Variants in CPQ observed in about 807,000 individuals in gnomAD.
The protein encoded by CPQ is carboxypeptidase Q, also known as Ser-Met dipeptidase.
Under a neutral mutation model 45.7 loss-of-function variants are expected in CPQ, and 37 were observed. That is an observed-to-expected ratio of 0.81 (90% confidence interval 0.62 to 1.07). The LOEUF (loss-of-function observed/expected upper bound fraction) is 1.07, where lower values mean the gene tolerates loss of function less well. Among genes scored for constraint, CPQ ranks in the 50% least tolerant of loss-of-function variants. The probability of loss-of-function intolerance (pLI) is 0.00; values close to 1 mark genes in which losing one functional copy is unlikely to be tolerated. For missense variants in CPQ, 537 were observed against 572.9 expected (o/e 0.94, Z 0.64); for synonymous variants, 186 against 205.8 (o/e 0.90, Z 0.82).
intron 1 of CPQ, among the ~76,000 whole-genome samples, chr8:96,737,230 TACACACACACAC>T (rs377227683): frequency 7.0e-6 from 1 of 142,160 alleles, no homozygotes; most frequent in Non-Finnish European, 1.5e-5. Context: ...ACTAATAAGA[TACACACACACAC>T]ACACACACAC....
intron 5 of CPQ, among the ~76,000 whole-genome samples, chr8:97,018,833 C>A (rs1326681033): frequency 6.6e-6 from 1 of 152,074 alleles, no homozygotes; most frequent in Non-Finnish European, 1.5e-5. Flanking sequence ...AGGAAAACTT[C>A]CCCAGCCTTG....
At chr8:96,858,333 G>T (rs1811878846) in intron 3 of CPQ, among the ~76,000 whole-genome samples, 1 of 152,120 alleles carries the variant, frequency 6.6e-6, no homozygotes, top group South Asian at 2.1e-4. Context: ...GCCTCATCAA[G>T]ACTGGTATGT....
intron 1 of CPQ, among the ~76,000 whole-genome samples, chr8:96,655,881 A>G (rs1040535271): frequency 6.6e-6 from 1 of 152,166 alleles, no homozygotes; most frequent in African/African-American, 2.4e-5. Context: ...GTGTCTGCAC[A>G]TTTGAAGAGA....
At position 96,785,269 on chromosome 8, in the gene CPQ, G is replaced by A; in HGVS notation, c.372G>A (p.Glu124=). ...ERGEESAVML[E]PRIHKIAILG... ...GAGAAGAATCAGCTGTGATGCTGGA[G>A]CCAAGAATTCATAAGATAGCCATCC... The change falls in exon 2 of 8, where the codon GAG becomes GAA. Residue 124 remains glutamate (E), a synonymous_variant. Coordinates refer to ENST00000220763, the MANE Select transcript of CPQ (RefSeq NM_016134.4). The A allele has an allele frequency of 6.2e-7, 1 of 1,613,396 alleles. No homozygotes were observed. Among genetic ancestry groups the A allele is most frequent in the Non-Finnish European group, 8.5e-7 (1 of 1,179,594 alleles).
Position 96,998,704 on chromosome 8 carries a change from C to T in CPQ, c.962-30699C>T, listed in dbSNP as rs1481338435. The stretch of plus-strand genomic sequence containing the variant: ...TTCTGAATGGGGAGATATGAAATAT[C>T]ATTGAAGCTTTCCTTGATTACTAGA... On this transcript the variant is annotated intron_variant, in intron 5 of 7. Coordinates refer to ENST00000220763, the MANE Select transcript of CPQ (RefSeq NM_016134.4). 2.0e-5 allele frequency among the ~76,000 whole-genome samples: 3 copies of T among 151,938 alleles called. No individual in the cohort carries two copies. The South Asian group carries it at 6.2e-4, about 31-fold the overall frequency.
At chr8:97,123,143 TA>T (rs1162143081) in intron 7 of CPQ, among the ~76,000 whole-genome samples, 1 of 41,960 alleles carries the variant, frequency 2.4e-5, no homozygotes, top group Non-Finnish European at 4.4e-5. Flanking sequence ...TAAAATAAAA[TA>T]AAATAAATAA....
At chr8:96,669,184 G>A (rs527380556) in intron 1 of CPQ, among the ~76,000 whole-genome samples, 2 of 152,196 alleles carry the variant, frequency 1.3e-5, no homozygotes, top group African/African-American at 2.4e-5. Context: ...TGTGATGTCA[G>A]CGGGGATCTT....
intron 6 of CPQ, among the ~76,000 whole-genome samples, chr8:97,040,765 C>G (rs922950983): frequency 1.3e-5 from 2 of 152,110 alleles, no homozygotes; most frequent in African/African-American, 4.8e-5. Flanking sequence ...GCTTGTTTTT[C>G]TCAGGTTTGT....
At chr8:96,816,041 A>T (rs1185097389) in intron 2 of CPQ, among the ~76,000 whole-genome samples, 1 of 152,092 alleles carries the variant, frequency 6.6e-6, no homozygotes, top group Non-Finnish European at 1.5e-5. Flanking sequence ...GCAATTTCTT[A>T]AAATAAGACA....
intron 1 of CPQ, among the ~76,000 whole-genome samples, chr8:96,705,520 T>A (rs1041151363): frequency 2.6e-5 from 4 of 152,250 alleles, no homozygotes; most frequent in African/African-American, 9.6e-5. Context: ...ATGGGAAACT[T>A]TTTGAGGGGT....
chr8:97,043,172 G>A (rs971198739), intron 6 of CPQ, among the ~76,000 whole-genome samples: 1 of 152,170 alleles, frequency 6.6e-6, no homozygotes, highest in Non-Finnish European at 1.5e-5. Flanking sequence ...GGGTGCTCCT[G>A]TATTGGGTGC....
At position 96,785,065 on chromosome 8, in the gene CPQ, T is replaced by C. The variant is rs746213268; in HGVS notation, c.168T>C (p.Tyr56=). The C allele has an allele frequency of 8.1e-6, 13 of 1,613,718 alleles. No homozygotes were observed. Among genetic ancestry groups the C allele is most frequent in the South Asian group, 7.7e-5 (7 of 91,086 alleles). The change falls in exon 2 of 8, where the codon TAT becomes TAC. Residue 56 remains tyrosine (Y), a synonymous_variant. Coordinates refer to ENST00000220763, the MANE Select transcript of CPQ (RefSeq NM_016134.4). ...VAKAIINLAV[Y]GKAQNRSYER... ...AAGCAATCATCAACCTAGCTGTTTA[T>C]GGTAAAGCCCAGAACAGATCCTATG...
intron 1 of CPQ, among the ~76,000 whole-genome samples, chr8:96,757,871 A>G (rs1263104482): frequency 1.3e-5 from 2 of 151,958 alleles, no homozygotes; most frequent in Non-Finnish European, 2.9e-5. Context: ...ATTGTGTGAG[A>G]TTTATCCAGG....
chr8:96,865,236 G>A (rs1811982531), intron 3 of CPQ, among the ~76,000 whole-genome samples: 1 of 151,994 alleles, frequency 6.6e-6, no homozygotes, highest in Admixed American at 6.6e-5. Flanking sequence ...AGAATCAACA[G>A]CTCCCCAAAC....
At chr8:96,985,088 T>C (rs1464435726) in intron 5 of CPQ, among the ~76,000 whole-genome samples, 1 of 152,198 alleles carries the variant, frequency 6.6e-6, no homozygotes, top group East Asian at 1.9e-4. Flanking sequence ...CAGTTATTTT[T>C]TTCCCAGAAT....
rs190761506 is a variant in CPQ at position 97,034,089 on chromosome 8, A to T, written c.1053+4595A>T. ...CTAAATTTACTAAACAATTTATTAA[A>T]TTATAAAGGATGTGAGGCTATTTAT... is the stretch of plus-strand genomic sequence containing the variant. On this transcript the variant is annotated intron_variant, in intron 6 of 7. Coordinates refer to ENST00000220763, the MANE Select transcript of CPQ (RefSeq NM_016134.4). 2.9e-3 allele frequency among the ~76,000 whole-genome samples: 448 copies of T among 152,286 alleles called. 1 individual carries two copies. The highest frequency in any genetic ancestry group is 9.3e-3 in the African/African-American group (385 of 41,572).
rs1810877819 is a variant in CPQ at position 96,793,353 on chromosome 8, AGGCATATCTCACATGGT to A, written c.433+8028_433+8044del. Among the ~76,000 whole-genome samples the A allele has an allele frequency of 2.0e-5, 3 of 152,164 alleles. No individual in the cohort carries two copies. The East Asian group carries it at 5.8e-4, about 29-fold the overall frequency. ...CCTCACAATCGTGGCAGAAAGTGAAAGGCATATCTCACATGGTGGCAGACAAGAGAAGAGAGCTTGTG... is the reference window on the plus strand; with the variant it reads ...CCTCACAATCGTGGCAGAAAGTGAAAGGCAGACAAGAGAAGAGAGCTTGTG... On this transcript the variant is annotated intron_variant, in intron 2 of 7. Coordinates refer to ENST00000220763, the MANE Select transcript of CPQ (RefSeq NM_016134.4).
intron 5 of CPQ, among the ~76,000 whole-genome samples, chr8:96,969,599 T>C (rs1190232179): frequency 6.6e-6 from 1 of 152,166 alleles, no homozygotes; most frequent in Non-Finnish European, 1.5e-5. Context: ...CAGTGCAGAA[T>C]GAAGTATTCC....
intron 5 of CPQ, among the ~76,000 whole-genome samples, chr8:97,013,164 C>T (rs144252903): frequency 1.9e-3 from 284 of 152,150 alleles, no homozygotes; most frequent in African/African-American, 6.7e-3. Context: ...CCTGTAACCC[C>T]AGCTACTCAA....
Sources: allele counts gnomAD v4.1 joint callset (sites outside exome capture counted in the v4.1 genomes callset), GRCh38; gene constraint gnomAD v4.1.1; transcripts MANE v1.5; gene names NCBI Gene and HGNC (gene_info 2026-07-23, HGNC 2026-07-21).